EXOC6: variants seen among roughly 807,000 people sequenced by gnomAD.
EXOC6 encodes the protein SEC15-like 1.
A neutral mutation model predicts 112.5 loss-of-function variants in EXOC6; 60 were observed. That is an observed-to-expected ratio of 0.53 (90% confidence interval 0.43 to 0.66). The LOEUF is 0.66. Ranked by LOEUF, EXOC6 falls within the 30% of genes least tolerant of loss-of-function variation. The pLI, the probability that EXOC6 is intolerant of heterozygous loss-of-function variation, is 0.00. For missense variants in EXOC6, 855 were observed against 957.1 expected (o/e 0.89, Z 1.41); for synonymous variants, 295 against 308.0 (o/e 0.96, Z 0.44).
chr10:93,032,069 A>AT (rs55853133), intron 20 of EXOC6, among the ~76,000 whole-genome samples: 13,268 of 152,092 alleles, frequency 0.087, 633 homozygotes, highest in Admixed American at 0.15. Context: ...TTTTCTATTG[A>AT]TTTTTTCCCC....
chr10:92,854,047 A>C (rs946448982), intron 1 of EXOC6, among the ~76,000 whole-genome samples: 4 of 151,276 alleles, frequency 2.6e-5, no homozygotes, highest in African/African-American at 9.7e-5. Flanking sequence ...AAGGTGAGCC[A>C]CAGATTGGGA....
At chr10:93,058,091 C>A in intron 21 of EXOC6, 132 bp from the exon 22 acceptor site, 1 of 732,584 alleles carries the variant, frequency 1.4e-6, no homozygotes, top group Non-Finnish European at 2.1e-6. Flanking sequence ...TTAGTATCTA[C>A]TTTCTTTGAA....
At chr10:92,845,906 C>G (rs893767880), upstream of EXOC6, among the ~76,000 whole-genome samples, 2 of 152,148 alleles carry the variant, frequency 1.3e-5, no homozygotes, top group South Asian at 4.1e-4. Context: ...CCATTGTTAC[C>G]CAGCCTGGGT....
intron 8 of EXOC6, among the ~76,000 whole-genome samples, chr10:92,920,566 G>C (rs574534404): frequency 1.3e-5 from 2 of 152,072 alleles, no homozygotes; most frequent in African/African-American, 2.4e-5. Flanking sequence ...TGTGTATCTG[G>C]CTGTTATTAG....
At chr10:92,846,917 TAAGTCA>T (rs1042276336), upstream of EXOC6, among the ~76,000 whole-genome samples, 2 of 152,186 alleles carry the variant, frequency 1.3e-5, no homozygotes, top group Admixed American at 1.3e-4. Context: ...TTTTCCAGCC[TAAGTCA>T]GAGTCAGAGG....
intron 18 of EXOC6, among the ~76,000 whole-genome samples, chr10:92,985,654 C>G (rs1053090666): frequency 3.3e-5 from 5 of 152,132 alleles, no homozygotes; most frequent in Non-Finnish European, 7.4e-5. Context: ...TTCTTTCAGA[C>G]AAATGTAACG....
At chr10:93,055,511 C>T (rs563801607) in intron 20 of EXOC6, among the ~76,000 whole-genome samples, 2 of 152,240 alleles carry the variant, frequency 1.3e-5, no homozygotes, top group Admixed American at 6.5e-5. Context: ...AATCACATTC[C>T]GGAGACGTTA....
intron 6 of EXOC6, 86 bp from the exon 7 acceptor site, chr10:92,915,671 TA>T (rs199577434): frequency 1.6e-4 from 149 of 923,004 alleles, no homozygotes; most frequent in Middle Eastern, 6.9e-4. Flanking sequence ...ATTAAAAAGA[TA>T]AAAAAAAACT....
chr10:92,863,447 T>C (rs1178636924), intron 1 of EXOC6, among the ~76,000 whole-genome samples: 1 of 152,202 alleles, frequency 6.6e-6, no homozygotes, highest in African/African-American at 2.4e-5. Context: ...GTTCTAGGGT[T>C]CCTCTGGGAA....
chr10:92,874,184 C>A (rs925132440), intron 1 of EXOC6, among the ~76,000 whole-genome samples: 2 of 152,026 alleles, frequency 1.3e-5, no homozygotes, highest in African/African-American at 4.8e-5. Context: ...GTTTGAATAC[C>A]AAGCAGCAGT....
At chr10:92,843,952 G>C (rs1474166881), upstream of EXOC6, among the ~76,000 whole-genome samples, 1 of 145,412 alleles carries the variant, frequency 6.9e-6, no homozygotes, top group Non-Finnish European at 1.5e-5. Flanking sequence ...ACTCCAGCCT[G>C]GGCGACAGAG....
At chr10:92,914,022 T>C (rs1850945191) in intron 6 of EXOC6, among the ~76,000 whole-genome samples, 1 of 152,180 alleles carries the variant, frequency 6.6e-6, no homozygotes, top group African/African-American at 2.4e-5. Flanking sequence ...TTAATATTGC[T>C]CTCTAGGGCA....
Position 93,054,194 on chromosome 10 carries a change from A to G in EXOC6, c.2170-2730A>G, listed in dbSNP as rs140226817. On this transcript the variant is annotated intron_variant, in intron 20 of 21. Coordinates refer to ENST00000260762, the MANE Select transcript of EXOC6 (RefSeq NM_019053.6). ...AAGATTACTGCTTTATTCCTATCTT[A>G]CAATGTAAGCTCCTTGAGGAAAGAG... Among the ~76,000 whole-genome samples, 36 of 152,338 alleles carry G rather than the reference A, an allele frequency of 2.4e-4. No individual in the cohort carries two copies. The East Asian group carries it at 6.9e-3, about 29-fold the overall frequency.
chr10:92,847,736 C>G (rs1034746367), upstream of EXOC6, among the ~76,000 whole-genome samples: 3 of 151,952 alleles, frequency 2.0e-5, no homozygotes, highest in African/African-American at 7.3e-5. Context: ...CTGCTGCTAA[C>G]CCCCTTTCAA....
intron 1 of EXOC6, among the ~76,000 whole-genome samples, chr10:92,863,515 G>A (rs1024081872): frequency 1.3e-5 from 2 of 152,188 alleles, no homozygotes; most frequent in African/African-American, 4.8e-5. Flanking sequence ...AGTAGCTCAT[G>A]CTTATAATTT....
chr10:93,007,944 T>C (rs1224258519), intron 19 of EXOC6, among the ~76,000 whole-genome samples: 1 of 152,134 alleles, frequency 6.6e-6, no homozygotes, highest in Non-Finnish European at 1.5e-5. Flanking sequence ...GAGGCCAAGG[T>C]GGGCGGATCA....
intron 1 of EXOC6, among the ~76,000 whole-genome samples, chr10:92,865,102 C>T (rs997748143): frequency 3.9e-5 from 6 of 152,224 alleles, no homozygotes; most frequent in East Asian, 1.9e-4. Context: ...TTATAATCCA[C>T]GTAAACAAAA....
intron 1 of EXOC6, among the ~76,000 whole-genome samples, chr10:92,875,086 T>G (rs1303768257): frequency 6.6e-6 from 1 of 152,136 alleles, no homozygotes; most frequent in Non-Finnish European, 1.5e-5. Context: ...TTGATTATAA[T>G]TAGAGAGGAG....
chr10:93,018,051 A>T (rs1249105266), intron 20 of EXOC6, among the ~76,000 whole-genome samples: 1 of 151,736 alleles, frequency 6.6e-6, no homozygotes, highest in Non-Finnish European at 1.5e-5. Flanking sequence ...TAAAAATTTT[A>T]AAAAAGAAAT....
Sources: gnomAD v4.1 joint callset for allele counts (sites outside exome capture counted in the v4.1 genomes callset) on GRCh38, gnomAD v4.1.1 for gene constraint, MANE v1.5 for transcripts, NCBI Gene and HGNC (gene_info 2026-07-23, HGNC 2026-07-21) for gene names.